Variants in TRPC4 observed in about 807,000 individuals in gnomAD.
TRPC4 encodes short transient receptor potential channel 4.
Under a neutral mutation model 99.4 loss-of-function variants are expected in TRPC4, and 49 were observed. The ratio of observed to expected loss-of-function variants is 0.49; its 90% confidence interval spans 0.39 to 0.63. The LOEUF is 0.63. Among genes scored for constraint, TRPC4 ranks in the 20% least tolerant of loss-of-function variants. The probability of loss-of-function intolerance (pLI) is 0.00; values close to 1 mark genes in which losing one functional copy is unlikely to be tolerated. For missense variants in TRPC4, 898 were observed against 1,152.9 expected, an observed-to-expected ratio of 0.78 and a Z score of 3.20; for synonymous variants, 454 against 425.9, an observed-to-expected ratio of 1.07 and a Z score of -0.81.
intron 6 of TRPC4, among the ~76,000 whole-genome samples, chr13:37,657,966 C>A (rs570819540): frequency 3.3e-5 from 5 of 152,178 alleles, no homozygotes; most frequent in East Asian, 3.9e-4. Context: ...GGAATTAAGA[C>A]CCTGGCCTTA....
At chr13:37,708,625 A>C (rs1954370435) in intron 3 of TRPC4, among the ~76,000 whole-genome samples, 1 of 151,314 alleles carries the variant, frequency 6.6e-6, no homozygotes, top group African/African-American at 2.4e-5. Context: ...TTAGAATTTA[A>C]GAACAGTGGG....
chr13:37,703,252 C>T (rs1247444896), intron 3 of TRPC4, among the ~76,000 whole-genome samples: 1 of 152,070 alleles, frequency 6.6e-6, no homozygotes, highest in Non-Finnish European at 1.5e-5. Context: ...CACACAGGTA[C>T]ATAAAATTCA....
At chr13:37,639,389 T>G in intron 8 of TRPC4, 90 bp from the exon 9 acceptor site, 1 of 1,358,834 alleles carries the variant, frequency 7.4e-7, no homozygotes, top group South Asian at 1.4e-5. Context: ...AATGTTTTTA[T>G]TCTTATTTCT....
At chr13:37,732,420 C>T (rs778742965) in intron 3 of TRPC4, among the ~76,000 whole-genome samples, 52 of 151,956 alleles carry the variant, frequency 3.4e-4, no homozygotes, top group Non-Finnish European at 6.3e-4. Context: ...GACAAGGGTG[C>T]CACTTTTACC....
intron 1 of TRPC4, among the ~76,000 whole-genome samples, chr13:37,824,882 G>T (rs1171553727): frequency 6.6e-6 from 1 of 152,062 alleles, no homozygotes; most frequent in African/African-American, 2.4e-5. Context: ...GCAGAATTCG[G>T]CTGTGAATCC....
intron 3 of TRPC4, among the ~76,000 whole-genome samples, chr13:37,713,967 T>C (rs989712646): frequency 1.6e-4 from 25 of 152,152 alleles, no homozygotes; most frequent in Admixed American, 1.6e-3. Flanking sequence ...TGCATTCCCT[T>C]CCTTTACTCC....
intron 1 of TRPC4, among the ~76,000 whole-genome samples, chr13:37,849,107 C>A (rs1039522057): frequency 6.6e-6 from 1 of 152,104 alleles, no homozygotes; most frequent in African/African-American, 2.4e-5. Flanking sequence ...TATGAGCTTC[C>A]TGGGAAGGAG....
At chr13:37,745,436 GTATATATATA>G (rs1201385469) in intron 3 of TRPC4, among the ~76,000 whole-genome samples, 33 of 20,694 alleles carry the variant, frequency 1.6e-3, no homozygotes, top group Admixed American at 2.2e-3. Context: ...ATATATATGC[GTATATATATA>G]TATATATATA....
At chr13:37,824,677 T>G (rs955296483) in intron 1 of TRPC4, among the ~76,000 whole-genome samples, 31 of 152,092 alleles carry the variant, frequency 2.0e-4, no homozygotes, top group Admixed American at 6.6e-4. Context: ...CGGTTTGCCA[T>G]TATTTTATTG....
chr13:37,662,604 G>A (rs61955483), intron 6 of TRPC4, among the ~76,000 whole-genome samples: 1 of 152,152 alleles, frequency 6.6e-6, no homozygotes, highest in Non-Finnish European at 1.5e-5. Context: ...TCATGAATAA[G>A]GTATGACTTT....
chr13:37,796,439 C>T (rs1369535617), intron 1 of TRPC4, among the ~76,000 whole-genome samples: 1 of 152,158 alleles, frequency 6.6e-6, no homozygotes, highest in East Asian at 1.9e-4. Flanking sequence ...CCCTGTATTA[C>T]ACATTTAGAC....
chr13:37,655,928 T>G (rs1331124981), intron 6 of TRPC4, among the ~76,000 whole-genome samples: 1 of 152,134 alleles, frequency 6.6e-6, no homozygotes, highest in Non-Finnish European at 1.5e-5. Context: ...TGATTTTGCT[T>G]TGGTTGTAGG....
chr13:37,659,808 G>T (rs569717333), intron 6 of TRPC4, among the ~76,000 whole-genome samples: 1 of 152,242 alleles, frequency 6.6e-6, no homozygotes, highest in Admixed American at 6.5e-5. Context: ...TGAGAAGAAG[G>T]TAGGATCTAG....
chr13:37,730,530 T>C (rs1018009972), intron 3 of TRPC4, among the ~76,000 whole-genome samples: 4 of 151,996 alleles, frequency 2.6e-5, no homozygotes, highest in Non-Finnish European at 5.9e-5. Context: ...ATATTAATTA[T>C]ACTTTAATTT....
intron 2 of TRPC4, among the ~76,000 whole-genome samples, chr13:37,748,109 A>C (rs1955835270): frequency 1.3e-5 from 2 of 152,094 alleles, no homozygotes; most frequent in South Asian, 4.1e-4. Flanking sequence ...AAAATTTACA[A>C]CTTATGTATT....
intron 1 of TRPC4, among the ~76,000 whole-genome samples, chr13:37,836,562 A>G (rs1431549079): frequency 6.6e-6 from 1 of 152,164 alleles, no homozygotes; most frequent in Non-Finnish European, 1.5e-5. Context: ...GGTGGCATTT[A>G]GCCCCTGCCC....
Position 37,783,010 on chromosome 13 carries a change from G to T in TRPC4, c.324C>A (p.Val108=). 6.2e-7 allele frequency: 1 copy of T among 1,606,012 alleles called. No individual in the cohort carries two copies. Among genetic ancestry groups the T allele is most frequent in the South Asian group, 1.1e-5 (1 of 89,758 alleles). The change falls in exon 2 of 11, where the codon GTC becomes GTA. Residue 108 remains valine, a synonymous_variant. Coordinates refer to ENST00000379705, the MANE Select transcript of TRPC4 (RefSeq NM_016179.4). ...DALLHAIRKE[V]VGAVELLLNH... ...TCAATAACAGCTCAACAGCTCCGAC[G>T]ACTTCTTTTCTGATAGCATGTAATA...
At chr13:37,701,029 G>A (rs1275471970) in intron 3 of TRPC4, among the ~76,000 whole-genome samples, 2 of 152,128 alleles carry the variant, frequency 1.3e-5, no homozygotes, top group African/African-American at 4.8e-5. Flanking sequence ...AAAGTTATGT[G>A]TTTTGGAAAC....
intron 1 of TRPC4, among the ~76,000 whole-genome samples, chr13:37,809,567 A>G (rs1251290958): frequency 6.6e-6 from 1 of 152,010 alleles, no homozygotes; most frequent in Non-Finnish European, 1.5e-5. Context: ...TGACAGGAAA[A>G]ATAACATGTC....
Sources: gnomAD v4.1 joint callset for allele counts (sites outside exome capture counted in the v4.1 genomes callset) on GRCh38, gnomAD v4.1.1 for gene constraint, MANE v1.5 for transcripts, NCBI Gene and HGNC (gene_info 2026-07-23, HGNC 2026-07-21) for gene names.